Variants in HIVEP3 observed in about 807,000 individuals in gnomAD.
HIVEP3 encodes transcription factor HIVEP3.
A neutral mutation model predicts 152.8 loss-of-function variants in HIVEP3; 49 were observed. The ratio of observed to expected loss-of-function variants is 0.32; its 90% CI spans 0.26 to 0.41. The LOEUF is 0.41. Ranked by LOEUF, HIVEP3 falls within the 10% of genes least tolerant of loss-of-function variation. The pLI is 1.00. For synonymous variants in HIVEP3, 1,269 were observed against 1,289.0 expected (o/e 0.98, Z 0.33); for missense variants, 2,790 against 3,103.3 (o/e 0.90, Z 2.40).
chr1:41,607,704 T>C (rs1300942610), intron 3 of HIVEP3, among the ~76,000 whole-genome samples: 1 of 152,254 alleles, frequency 6.6e-6, no homozygotes, highest in Non-Finnish European at 1.5e-5. Flanking sequence ...GATTATGTTG[T>C]AAAGTTAGGA....
At chr1:42,014,784 C>T (rs918921050) in intron 1 of HIVEP3, among the ~76,000 whole-genome samples, 2 of 152,154 alleles carry the variant, frequency 1.3e-5, no homozygotes, top group African/African-American at 4.8e-5. Context: ...AAGTCAATGA[C>T]AAGAATTTTC....
At chr1:41,966,475 C>CTTTTTTTTTTTTTTTTTTTTTTTTT (rs58470482) in intron 1 of HIVEP3, among the ~76,000 whole-genome samples, 5 of 95,822 alleles carry the variant, frequency 5.2e-5, no homozygotes, top group Non-Finnish European at 5.8e-5. Flanking sequence ...GTGCTGTATT[C>CTTTTTTTTTTTTTTTTTTTTTTTTT]TTTTTTTTTT....
intron 1 of HIVEP3, among the ~76,000 whole-genome samples, chr1:41,850,274 C>T (rs509814): frequency 0.26 from 39,367 of 152,028 alleles, 6,556 homozygotes; most frequent in African/African-American, 0.48. Flanking sequence ...ATGACTCACT[C>T]GCACTCAGCC....
At chr1:41,764,397 C>T (rs1191854740) in intron 1 of HIVEP3, among the ~76,000 whole-genome samples, 3 of 152,182 alleles carry the variant, frequency 2.0e-5, no homozygotes, top group Admixed American at 2.0e-4. Flanking sequence ...AACTGAGTGC[C>T]TTCACTGATG....
intron 1 of HIVEP3, among the ~76,000 whole-genome samples, chr1:42,010,702 G>T (rs1223539797): frequency 1.3e-5 from 2 of 151,980 alleles, no homozygotes; most frequent in Non-Finnish European, 2.9e-5. Context: ...TCATACCTTT[G>T]GCTGTCCCTT....
intron 1 of HIVEP3, among the ~76,000 whole-genome samples, chr1:42,026,900 A>G (rs909714905): frequency 6.6e-6 from 1 of 152,194 alleles, no homozygotes; most frequent in Non-Finnish European, 1.5e-5. Context: ...CTTTTCCAGT[A>G]CTTTCCAAGA....
intron 1 of HIVEP3, among the ~76,000 whole-genome samples, chr1:41,763,023 T>G (rs1056746147): frequency 1.6e-4 from 24 of 151,924 alleles, no homozygotes; most frequent in African/African-American, 5.1e-4. Flanking sequence ...TGCCTGAGAG[T>G]GTGAACACTA....
rs1480531273 is a variant in HIVEP3, at chr1:41,510,814, G to A, written c.6858C>T (p.Gly2286=). 3.7e-6 allele frequency: 6 copies of A among 1,612,276 alleles called. No homozygotes were observed. Among genetic ancestry groups the A allele is most frequent in the African/African-American group, 1.3e-5 (1 of 74,914 alleles). ...KERERTGGGP[G]RPPDWTPHGT... is the part of the protein sequence containing the mutation. ...CATGGGGTGTCCAGTCAGGAGGCCT[G>A]CCCGGGCCTCCGCCGGTCCTCTCCC... The change falls in exon 9 of 9, where the codon GGC becomes GGT. Residue 2286 remains glycine (G), a synonymous_variant. Coordinates refer to ENST00000372583, the MANE Select transcript of HIVEP3 (RefSeq NM_024503.5).
At chr1:41,515,019 C>T (rs1053288002) in intron 7 of HIVEP3, among the ~76,000 whole-genome samples, 10 of 152,190 alleles carry the variant, frequency 6.6e-5, no homozygotes, top group Non-Finnish European at 1.5e-4. Flanking sequence ...GGGAGAGCTC[C>T]GCTAACATCT....
chr1:41,515,678 G>T (rs922220213), intron 7 of HIVEP3, among the ~76,000 whole-genome samples: 1 of 152,202 alleles, frequency 6.6e-6, no homozygotes, highest in Non-Finnish European at 1.5e-5. Flanking sequence ...CTAAGAAGCA[G>T]GGAATGGTCG....
intron 5 of HIVEP3, among the ~76,000 whole-genome samples, chr1:41,568,179 A>T (rs1195266802): frequency 6.6e-6 from 1 of 152,236 alleles, no homozygotes; most frequent in African/African-American, 2.4e-5. Flanking sequence ...GAAGCACACT[A>T]GTAAATACCT....
chr1:41,657,216 A>G (rs1645641532), intron 2 of HIVEP3, among the ~76,000 whole-genome samples: 1 of 152,218 alleles, frequency 6.6e-6, no homozygotes, highest in Non-Finnish European at 1.5e-5. Flanking sequence ...TTACACCCCA[A>G]TTGACCCACA....
intron 1 of HIVEP3, among the ~76,000 whole-genome samples, chr1:41,726,477 C>A (rs1646754151): frequency 6.6e-6 from 1 of 152,202 alleles, no homozygotes; most frequent in Non-Finnish European, 1.5e-5. Context: ...CGTTTACACA[C>A]CCGCTCATGT....
At chr1:41,591,189 C>T (rs1054852630) in intron 3 of HIVEP3, among the ~76,000 whole-genome samples, 13 of 152,276 alleles carry the variant, frequency 8.5e-5, no homozygotes, top group African/African-American at 3.1e-4. Flanking sequence ...GACAGGCTGT[C>T]ATAAGACTGA....
intron 6 of HIVEP3, 79 bp downstream of exon 6, chr1:41,524,656 C>T: frequency 7.3e-7 from 1 of 1,372,708 alleles, no homozygotes; most frequent in Non-Finnish European, 1.0e-6. Context: ...GGTCTGGGCA[C>T]CTGAACTCTG....
chr1:41,964,589 C>A (rs534960374), intron 1 of HIVEP3, among the ~76,000 whole-genome samples: 70 of 152,310 alleles, frequency 4.6e-4, no homozygotes, highest in African/African-American at 1.5e-3. Flanking sequence ...CCCACTGGTG[C>A]CGGGGAGACT....
intron 1 of HIVEP3, among the ~76,000 whole-genome samples, chr1:41,904,573 G>A (rs1196168045): frequency 2.0e-5 from 3 of 152,134 alleles, no homozygotes; most frequent in Non-Finnish European, 4.4e-5. Context: ...AGGAGGCCGT[G>A]ATATGGTACC....
At chr1:41,598,836 G>T (rs894876509) in intron 3 of HIVEP3, among the ~76,000 whole-genome samples, 1 of 85,796 alleles carries the variant, frequency 1.2e-5, no homozygotes, top group Non-Finnish European at 2.2e-5. Flanking sequence ...TTTATTTAGG[G>T]ACAGGATCTC....
chr1:41,929,195 C>T (rs1644983372), intron 1 of HIVEP3, among the ~76,000 whole-genome samples: 1 of 152,116 alleles, frequency 6.6e-6, no homozygotes, highest in East Asian at 1.9e-4. Flanking sequence ...CACTGGAATT[C>T]TTCTGGTAAG....
Sources: gnomAD v4.1 joint callset for allele counts (sites outside exome capture counted in the v4.1 genomes callset) on GRCh38, gnomAD v4.1.1 for gene constraint, MANE v1.5 for transcripts, NCBI Gene and HGNC (gene_info 2026-07-23, HGNC 2026-07-21) for gene names.